Variants in AXDND1 observed in about 807,000 individuals in gnomAD.
AXDND1 encodes axonemal dynein light chain domain containing 1, also known as axonemal dynein light chain domain-containing protein 1.
Under a neutral mutation model 137.5 loss-of-function variants are expected in AXDND1, and 110 were observed. The observed-to-expected ratio is 0.80, with a 90% CI of 0.69 to 0.94. The LOEUF is 0.94. AXDND1 is among the 40% of genes least tolerant of loss of function. The pLI, the probability that AXDND1 is intolerant of heterozygous loss-of-function variation, is 0.00. For missense variants in AXDND1, 1,191 were observed against 1,169.8 expected (o/e 1.02, Z -0.26); for synonymous variants, 414 against 399.7 (o/e 1.04, Z -0.43).
At chr1:179,467,826 C>T (rs1349899316) in intron 16 of AXDND1, among the ~76,000 whole-genome samples, 1 of 152,120 alleles carries the variant, frequency 6.6e-6, no homozygotes, top group African/African-American at 2.4e-5. Flanking sequence ...TTTTAAATTA[C>T]TTGTCTTTAT....
At position 179,551,434 on chromosome 1, in the gene AXDND1, C is replaced by T. The variant is rs5005771; in HGVS notation, c.3032-3078C>T. On this transcript the variant is annotated intron_variant, in intron 25 of 25. Coordinates refer to ENST00000367618, the MANE Select transcript of AXDND1 (RefSeq NM_144696.6). Reference sequence around the variant, plus strand: ...TCAGGGACTCAGAAGCAGCCTTTTCCGCTTCTGCAGCAATCATCTAGAAAA... The same window carrying T: ...TCAGGGACTCAGAAGCAGCCTTTTCTGCTTCTGCAGCAATCATCTAGAAAA... 1,544 of 1,613,492 alleles carry T rather than the reference C, an allele frequency of 9.6e-4. 11 individuals are homozygous for T. The African/African-American group carries it at 0.019, about 20-fold the overall frequency.
At chr1:179,456,571 C>T (rs1661437683) in intron 16 of AXDND1, 1 of 778,044 alleles carries the variant, frequency 1.3e-6, no homozygotes, top group African/African-American at 1.7e-5. Flanking sequence ...TAACCAGGGC[C>T]ACCTCCTCCA....
At chr1:179,524,700 T>C (rs72704468) in intron 21 of AXDND1, among the ~76,000 whole-genome samples, 7,004 of 152,256 alleles carry the variant, frequency 0.046, 244 homozygotes, top group Non-Finnish European at 0.07. Context: ...TAAATCCTCC[T>C]TTTCCTTCTC....
intron 12 of AXDND1, among the ~76,000 whole-genome samples, chr1:179,415,729 G>A (rs891540383): frequency 3.3e-5 from 5 of 151,242 alleles, no homozygotes; most frequent in Admixed American, 3.3e-4. Context: ...TTCTGAGATG[G>A]AGTCTCACTC....
rs143886197 is a variant in AXDND1 at position 179,540,152 on chromosome 1, C to T, written c.3031+5190C>T. On this transcript the variant is annotated intron_variant, in intron 25 of 25. Coordinates refer to ENST00000367618, the MANE Select transcript of AXDND1 (RefSeq NM_144696.6). ...TGGGTTAGAACATGCTCCTTTAGCT[C>T]GGAGATGTTTGTTATTACCCACCTT... Among the ~76,000 whole-genome samples, 158 of 152,012 alleles carry T rather than the reference C, an allele frequency of 1.0e-3. 1 individual carries two copies. The highest frequency in any genetic ancestry group is 3.4e-3 in the Middle Eastern group (1 of 292).
At chr1:179,554,484 T>A in intron 25 of AXDND1, 28 bp from the exon 26 acceptor site, 1 of 1,614,150 alleles carries the variant, frequency 6.2e-7, no homozygotes, top group Non-Finnish European at 8.5e-7. Flanking sequence ...ACATTTCTAT[T>A]CTCTCCACTT....
At chr1:179,378,807 A>C in intron 5 of AXDND1, 50 bp downstream of exon 5, 1 of 1,365,130 alleles carries the variant, frequency 7.3e-7, no homozygotes, top group Non-Finnish European at 9.6e-7. Flanking sequence ...TCTACTTTTA[A>C]AAATCATTTT....
chr1:179,483,014 G>T, intron 17 of AXDND1, 114 bp from the exon 18 acceptor site: 1 of 611,834 alleles, frequency 1.6e-6, no homozygotes, highest in Non-Finnish European at 2.7e-6. Flanking sequence ...TCAAGCAGTT[G>T]TCAACATCTA....
At chr1:179,388,911 G>A (rs1649652394) in intron 9 of AXDND1, among the ~76,000 whole-genome samples, 1 of 146,708 alleles carries the variant, frequency 6.8e-6, no homozygotes, top group African/African-American at 2.5e-5. Context: ...TAAGAGTTTT[G>A]TTGGTTTGTT....
intron 11 of AXDND1, among the ~76,000 whole-genome samples, chr1:179,400,505 C>T (rs1417481628): frequency 1.3e-5 from 2 of 151,450 alleles, no homozygotes; most frequent in African/African-American, 4.9e-5. Flanking sequence ...TCCAAAATCT[C>T]ACAAATCACC....
chr1:179,374,235 C>A (rs1416755562), intron 4 of AXDND1, among the ~76,000 whole-genome samples: 1 of 152,192 alleles, frequency 6.6e-6, no homozygotes, highest in Non-Finnish European at 1.5e-5. Context: ...TGCTCATCAT[C>A]GTTGGCCATC....
chr1:179,418,558 A>G (rs1655065488), intron 12 of AXDND1, among the ~76,000 whole-genome samples: 1 of 147,264 alleles, frequency 6.8e-6, no homozygotes, highest in Admixed American at 6.7e-5. Context: ...ACTTCCCAGT[A>G]GGGGCGGCCG....
chr1:179,391,501 T>G (rs1326790550), intron 9 of AXDND1, among the ~76,000 whole-genome samples: 1 of 151,866 alleles, frequency 6.6e-6, no homozygotes, highest in Non-Finnish European at 1.5e-5. Context: ...TCTCATGAGA[T>G]CTGATGATTT....
intron 4 of AXDND1, among the ~76,000 whole-genome samples, chr1:179,373,879 A>G (rs1668301718): frequency 1.3e-5 from 2 of 152,246 alleles, no homozygotes; most frequent in Admixed American, 1.3e-4. Context: ...AAACCCTAGA[A>G]GAAAACCAAG....
chr1:179,392,866 T>C lies in AXDND1; in HGVS notation c.864-1037T>C, dbSNP rs188060977. ...GTTGGAGTTCATCGTAGATTTTGGG[T>C]ACTAGTCCTTTGCCAGGTGCATAGT... On this transcript the variant is annotated intron_variant, in intron 9 of 25. Transcript: ENST00000367618. 3.0e-3 allele frequency among the ~76,000 whole-genome samples: 461 copies of C among 152,302 alleles called. 3 individuals are homozygous for C. Among genetic ancestry groups the C allele is most frequent in the African/African-American group, 0.01 (427 of 41,548 alleles).
chr1:179,385,980 CT>C (rs1402861002), intron 9 of AXDND1, among the ~76,000 whole-genome samples: 1 of 151,522 alleles, frequency 6.6e-6, no homozygotes, highest in Non-Finnish European at 1.5e-5. Flanking sequence ...GAGAAATCTG[CT>C]GCCATCCTTG....
At chr1:179,484,596 C>A (rs1463272981) in intron 18 of AXDND1, among the ~76,000 whole-genome samples, 5 of 152,160 alleles carry the variant, frequency 3.3e-5, no homozygotes, top group Admixed American at 2.6e-4. Context: ...CAGAGCACCC[C>A]CAACTAATGA....
At chr1:179,419,082 C>T (rs1455742887) in intron 12 of AXDND1, among the ~76,000 whole-genome samples, 2 of 151,902 alleles carry the variant, frequency 1.3e-5, no homozygotes, top group Non-Finnish European at 2.9e-5. Context: ...AGGCCCCCCT[C>T]ACTTCCTAGA....
At chr1:179,544,177 C>T (rs1175370776) in intron 25 of AXDND1, 1 of 152,268 alleles carries the variant, frequency 6.6e-6, no homozygotes, top group Non-Finnish European at 1.5e-5. Flanking sequence ...CTTTAAGTCA[C>T]AGCGATGGCT....
Sources: gnomAD v4.1 joint callset for allele counts (sites outside exome capture counted in the v4.1 genomes callset) on GRCh38, gnomAD v4.1.1 for gene constraint, MANE v1.5 for transcripts, NCBI Gene and HGNC (gene_info 2026-07-23, HGNC 2026-07-21) for gene names.